The following COQ5 variants were observed in gnomAD, a reference collection of about 807,000 sequenced individuals.
The protein encoded by COQ5 is 2-methoxy-6-polyprenyl-1,4-benzoquinol methylase, mitochondrial.
A neutral mutation model predicts 40.5 loss-of-function variants in COQ5; 27 were observed. The observed-to-expected ratio is 0.67, with a 90% CI of 0.49 to 0.92. COQ5 has a LOEUF of 0.92. COQ5 is among the 40% of genes least tolerant of loss of function. The pLI, the probability that COQ5 is intolerant of heterozygous loss-of-function variation, is 0.00. For synonymous variants in COQ5, 141 were observed against 150.0 expected (o/e 0.94, Z 0.44); for missense variants, 409 against 406.4 (o/e 1.01, Z -0.06).
At chr12:120,505,985 A>G (rs1275994880) in intron 4 of COQ5, among the ~76,000 whole-genome samples, 1 of 151,782 alleles carries the variant, frequency 6.6e-6, no homozygotes, top group Non-Finnish European at 1.5e-5. Flanking sequence ...ACTCCCAGGT[A>G]GCTGGGATTA....
In COQ5 at chr12:120,504,072, A is replaced by G. The variant is rs1868771623; in HGVS notation, c.780T>C (p.Asp260=). Residue 260 remains aspartate (D), a synonymous_variant, in exon 6 of 7, where the codon GAT becomes GAC. Coordinates refer to ENST00000288532, the MANE Select transcript of COQ5 (RefSeq NM_032314.4). ...CAGGGATGACCTGGAAGCTATATAGATCATAAAGCCTAGGCAAACAAAAAG... is the reference window on the plus strand; with the variant it reads ...CAGGGATGACCTGGAAGCTATATAGGTCATAAAGCCTAGGCAAACAAAAAG... ...VNNPLISRLY[D]LYSFQVIPVL... is the part of the protein sequence containing the mutation. 2 of 1,597,814 alleles carry G rather than the reference A, an allele frequency of 1.3e-6. No homozygotes were observed. Among genetic ancestry groups the G allele is most frequent in the Non-Finnish European group, 1.7e-6 (2 of 1,165,334 alleles).
At position 120,528,923 on chromosome 12, in the gene COQ5, C is replaced by G. The variant is rs1870090393; in HGVS notation, c.202+17G>C. The stretch of plus-strand genomic sequence containing the variant: ...GGACGGTCAGATCCCTCCCATCCGC[C>G]CTCTCGCCCCTTTCACCTTTGCCCC... On this transcript the variant is annotated intron_variant, in intron 1 of 6. Transcript: ENST00000288532. The G allele has an allele frequency of 6.2e-7, 1 of 1,612,562 alleles. No homozygotes were observed. The highest frequency in any genetic ancestry group is 1.3e-5 in the African/African-American group (1 of 74,912).
intron 4 of COQ5, among the ~76,000 whole-genome samples, chr12:120,505,679 C>A (rs1056641971): frequency 2.0e-5 from 3 of 151,838 alleles, no homozygotes; most frequent in African/African-American, 7.3e-5. Flanking sequence ...GCCTCAGCCT[C>A]CCGAGTAGCT....
At chr12:120,518,522 T>C (rs1394228770) in intron 2 of COQ5, among the ~76,000 whole-genome samples, 2 of 151,612 alleles carry the variant, frequency 1.3e-5, no homozygotes, top group Non-Finnish European at 2.9e-5. Flanking sequence ...GTCCAACCAA[T>C]TAGGTATTCT....
intron 2 of COQ5, among the ~76,000 whole-genome samples, chr12:120,519,175 A>G (rs182715633): frequency 1.2e-4 from 19 of 152,318 alleles, no homozygotes; most frequent in Non-Finnish European, 1.8e-4. Context: ...GAAATAGGTT[A>G]TTTCCAATTT....
chr12:120,506,369 A>T (rs920617350), intron 4 of COQ5, among the ~76,000 whole-genome samples: 41 of 142,470 alleles, frequency 2.9e-4, no homozygotes, highest in East Asian at 2.2e-3. Context: ...CCTGTTTAAA[A>T]TTTTTTTTTT....
At chr12:120,515,433 T>C (rs930880534) in intron 3 of COQ5, among the ~76,000 whole-genome samples, 1 of 152,234 alleles carries the variant, frequency 6.6e-6, no homozygotes, top group African/African-American at 2.4e-5. Flanking sequence ...CATTTTGAGC[T>C]TGCAGTAATC....
chr12:120,516,071 G>T (rs186862028), intron 3 of COQ5, among the ~76,000 whole-genome samples: 1 of 152,170 alleles, frequency 6.6e-6, no homozygotes. Flanking sequence ...TTATAGGTGT[G>T]AGCCATGGGC....
At chr12:120,509,324 C>T (rs551985245) in intron 4 of COQ5, among the ~76,000 whole-genome samples, 1 of 152,192 alleles carries the variant, frequency 6.6e-6, no homozygotes, top group African/African-American at 2.4e-5. Flanking sequence ...CGAGATCAAC[C>T]TGGGCAACAT....
At chr12:120,527,009 C>G (rs1869985407) in intron 1 of COQ5, 1 of 150,722 alleles carries the variant, frequency 6.6e-6, no homozygotes, top group African/African-American at 2.4e-5. Flanking sequence ...GCCACTGCGC[C>G]CAGCCTACTC....
intron 4 of COQ5, among the ~76,000 whole-genome samples, chr12:120,507,625 C>G (rs901968210): frequency 2.0e-5 from 3 of 149,398 alleles, no homozygotes; most frequent in Non-Finnish European, 4.5e-5. Context: ...CAGTGGCTCA[C>G]GCCTGTAATC....
chr12:120,510,056 GGT>G lies in COQ5; in HGVS notation c.640_641del (p.Thr214HisfsTer12), dbSNP rs1186183602. 1.2e-6 allele frequency: 2 copies of G among 1,614,088 alleles called. No homozygotes were observed. On this transcript the variant is annotated frameshift_variant, in exon 4 of 7. Coordinates refer to ENST00000288532, the MANE Select transcript of COQ5 (RefSeq NM_032314.4). LOFTEE classifies it high-confidence loss of function. ...TGACATTCCGGATCCCAAAGGCAAT[GGT>G]GTAAATATCAAACTTGTCATCATCA... ...PFDDDKFDIY[T>X]IAFGIRNVTH...
At chr12:120,509,014 ACT>A (rs1277361167) in intron 4 of COQ5, among the ~76,000 whole-genome samples, 1 of 123,202 alleles carries the variant, frequency 8.1e-6, no homozygotes, top group African/African-American at 3.1e-5. Context: ...ACAGAGCGAG[ACT>A]CTGTCTCAAA....
At chr12:120,514,745 A>AAAC (rs375392327) in intron 3 of COQ5, among the ~76,000 whole-genome samples, 27,998 of 147,784 alleles carry the variant, frequency 0.19, 2,984 homozygotes, top group African/African-American at 0.28. Flanking sequence ...TCTGTCTCAG[A>AAAC]AACAACAACA....
chr12:120,512,960 A>ATT (rs536277762), intron 3 of COQ5, among the ~76,000 whole-genome samples: 11 of 143,122 alleles, frequency 7.7e-5, no homozygotes, highest in East Asian at 2.2e-4. Context: ...CACCTGCCTG[A>ATT]TTTTTTTTTT....
At chr12:120,513,300 G>A (rs1303423812) in intron 3 of COQ5, among the ~76,000 whole-genome samples, 1 of 149,614 alleles carries the variant, frequency 6.7e-6, no homozygotes, top group Non-Finnish European at 1.5e-5. Flanking sequence ...TCAGGAGATC[G>A]AGACCATCCT....
In COQ5 at chr12:120,503,772, A is replaced by T. The variant is rs746384350; in HGVS notation, c.*12T>A. The T allele has an allele frequency of 2.5e-6, 4 of 1,598,902 alleles. No homozygotes were observed. In the African/African-American group the frequency reaches 4.0e-5, roughly 16 times the overall value. On this transcript the variant is annotated 3_prime_UTR_variant, in exon 7 of 7. Coordinates refer to ENST00000288532, the MANE Select transcript of COQ5 (RefSeq NM_032314.4). ...GGATATGACTGGTTCATGCTCCATG[A>T]TAGGAAAGGAATTAAAGTTTGAAGC... is the stretch of plus-strand genomic sequence containing the variant.
At chr12:120,512,642 T>A (rs1869188693) in intron 3 of COQ5, among the ~76,000 whole-genome samples, 1 of 151,964 alleles carries the variant, frequency 6.6e-6, no homozygotes, top group Admixed American at 6.6e-5. Context: ...ATAAATAAAT[T>A]GTATATATAG....
intron 1 of COQ5, chr12:120,523,377 T>C: frequency 2.7e-6 from 1 of 364,498 alleles, no homozygotes; most frequent in Non-Finnish European, 5.3e-6. Context: ...TGATCGGGGT[T>C]TCTTGATACC....
Sources: gnomAD v4.1 joint callset for allele counts (sites outside exome capture counted in the v4.1 genomes callset) on GRCh38, gnomAD v4.1.1 for gene constraint, MANE v1.5 for transcripts, NCBI Gene and HGNC (gene_info 2026-07-23, HGNC 2026-07-21) for gene names.